Variants in RESF1 observed in about 807,000 individuals in gnomAD.
RESF1 encodes the protein retroelement silencing factor 1.
Under a neutral mutation model 134.7 loss-of-function variants are expected in RESF1, and 65 were observed. That is an observed-to-expected ratio of 0.48 (90% CI 0.40 to 0.59). RESF1 has a LOEUF of 0.59. Among genes scored for constraint, RESF1 ranks in the 20% least tolerant of loss-of-function variants. The pLI, the probability that RESF1 is intolerant of heterozygous loss-of-function variation, is 0.00. For synonymous variants in RESF1, 762 were observed against 702.2 expected (o/e 1.09, Z -1.35); for missense variants, 2,274 against 2,002.7 (o/e 1.14, Z -2.59).
At chr12:31,989,288 C>T (rs11051720) in intron 5 of RESF1, among the ~76,000 whole-genome samples, 34,605 of 148,436 alleles carry the variant, frequency 0.23, 4,058 homozygotes, top group Non-Finnish European at 0.26. Context: ...CCCAGCTACT[C>T]GGGAGGCTGA....
rs764119385 is a variant in RESF1, at chr12:31,984,189, G to C, written c.3234G>C (p.Gln1078His). The change falls in exon 4 of 6, where the codon CAG becomes CAC. Residue 1078 changes from glutamine (Q) to histidine (H), a missense_variant. Transcript: ENST00000312561. ...AVNTREGSVG[Q>H]QTTYQTSEDQ... is the part of the protein sequence containing the mutation. ...ATACACGTGAAGGTTCTGTGGGCCA[G>C]CAAACTACATACCAGACCTCAGAAG... The C allele has an allele frequency of 1.2e-6, 2 of 1,613,308 alleles. No homozygotes were observed. The highest frequency in any genetic ancestry group is 1.7e-5 in the Admixed American group (1 of 59,778).
At chr12:31,977,726 A>C (rs1184522531) in intron 3 of RESF1, among the ~76,000 whole-genome samples, 1 of 151,874 alleles carries the variant, frequency 6.6e-6, no homozygotes, top group Non-Finnish European at 1.5e-5. Context: ...GAAAGTTTAT[A>C]ATCAAGCTTG....
chr12:31,990,609 T>G (rs553996349), intron 5 of RESF1, among the ~76,000 whole-genome samples: 1 of 152,128 alleles, frequency 6.6e-6, no homozygotes, highest in East Asian at 1.9e-4. Flanking sequence ...CCTGGCTGAT[T>G]GTTGTATTTT....
Position 31,992,641 on chromosome 12 carries a change from G to C in RESF1, c.*106G>C. On this transcript the variant is annotated 3_prime_UTR_variant, in exon 6 of 6. Transcript: ENST00000312561. ...AATGCCATGATAAAGATTTCTCAGA[G>C]TTTGGTTCCCACTTTCATTGTATTT... 8.4e-7 allele frequency: 1 copy of C among 1,187,994 alleles called. No individual in the cohort carries two copies. The highest frequency in any genetic ancestry group is 1.2e-6 in the Non-Finnish European group (1 of 816,834). 73.6% of individuals were successfully genotyped at this position (1,187,994 alleles called of 1,614,324 possible).
chr12:31,982,082 G>A lies in RESF1; in HGVS notation c.1127G>A (p.Cys376Tyr), dbSNP rs199880581. Residue 376 changes from cysteine (C) to tyrosine (Y), a missense_variant, in exon 4 of 6, where the codon TGC becomes TAC. Coordinates refer to ENST00000312561, the MANE Select transcript of RESF1 (RefSeq NM_018169.4). ...QTNEEKIMDS[C>Y]NPTSNQVLDT... ...AATGAAGAGAAAATAATGGATTCTTGCAATCCAACTTCAAATCAAGTACTG... is the reference window on the plus strand; with the variant it reads ...AATGAAGAGAAAATAATGGATTCTTACAATCCAACTTCAAATCAAGTACTG... The A allele has an allele frequency of 3.0e-5, 48 of 1,614,120 alleles. 1 individual carries two copies. In the East Asian group the frequency reaches 1.0e-3, roughly 34 times the overall value.
intron 2 of RESF1, among the ~76,000 whole-genome samples, chr12:31,966,497 A>G (rs2120768781): frequency 6.6e-6 from 1 of 152,376 alleles, no homozygotes. Context: ...TCTAGCCTGA[A>G]TGATGATAGT....
chr12:31,965,887 C>T (rs923046590), intron 2 of RESF1, among the ~76,000 whole-genome samples: 1 of 82,064 alleles, frequency 1.2e-5, no homozygotes. Flanking sequence ...GAGACTTCGT[C>T]TCAAAAAAAA....
intron 2 of RESF1, among the ~76,000 whole-genome samples, chr12:31,967,532 CA>C (rs1939423156): frequency 6.6e-6 from 1 of 151,950 alleles, no homozygotes; most frequent in Non-Finnish European, 1.5e-5. Context: ...ACACAACATC[CA>C]AAAAACTTAG....
chr12:31,960,200 A>G (rs1592246724), intron 1 of RESF1, among the ~76,000 whole-genome samples: 1 of 152,144 alleles, frequency 6.6e-6, no homozygotes, highest in African/African-American at 2.4e-5. Context: ...AAACGTCCTT[A>G]GGGTCCTGAG....
In RESF1 at chr12:31,985,537, A is replaced by G. The variant is rs761026030; in HGVS notation, c.4582A>G (p.Lys1528Glu). ...NLKIHHSQES[K>E]TYNILRNVKE... ...CAAAATCCACCATTCTCAGGAGTCT[A>G]AAACATACAACATTCTAAGGAATGT... The change falls in exon 4 of 6, where the codon AAA (lysine) becomes GAA (glutamate). Residue 1528 changes from lysine (K) to glutamate (E), a missense_variant. By Grantham distance (56) the Lys-to-Glu change is moderately conservative. Coordinates refer to ENST00000312561, the MANE Select transcript of RESF1 (RefSeq NM_018169.4). 1 of 1,599,366 alleles carries G rather than the reference A, an allele frequency of 6.3e-7. No individual in the cohort carries two copies. Among genetic ancestry groups the G allele is most frequent in the South Asian group, 1.1e-5 (1 of 88,044 alleles).
chr12:31,978,726 T>G (rs1939695745), intron 3 of RESF1, among the ~76,000 whole-genome samples: 1 of 130,536 alleles, frequency 7.7e-6, no homozygotes, highest in Non-Finnish European at 1.6e-5. Context: ...TTTTTTTTTT[T>G]TTTTTTTGTA....
At position 31,982,288 on chromosome 12, in the gene RESF1, C is replaced by T; in HGVS notation, c.1333C>T (p.Leu445=). ...SEPAQNSKLS[L]KQTAKIQSGP... ...ACCAGCTCAGAATTCTAAATTGTCT[C>T]TAAAACAAACTGCCAAAATCCAGTC... Residue 445 remains leucine (L), a synonymous_variant, in exon 4 of 6, where the codon CTA becomes TTA. Coordinates refer to ENST00000312561, the MANE Select transcript of RESF1 (RefSeq NM_018169.4). 4 of 1,614,088 alleles carry T rather than the reference C, an allele frequency of 2.5e-6. No individual in the cohort carries two copies. Among genetic ancestry groups the T allele is most frequent in the Non-Finnish European group, 3.4e-6 (4 of 1,180,018 alleles).
chr12:31,981,484 C>T lies in RESF1; in HGVS notation c.529C>T (p.Pro177Ser), dbSNP rs1592260076. 6.2e-7 allele frequency: 1 copy of T among 1,613,996 alleles called. No individual in the cohort carries two copies. The highest frequency in any genetic ancestry group is 1.7e-5 in the Admixed American group (1 of 59,998). The change falls in exon 4 of 6, where the codon CCT becomes TCT. Residue 177 changes from proline (P) to serine (S), a missense_variant. By Grantham distance (74) the Pro-to-Ser change is moderately conservative (BLOSUM62 -1). Transcript: ENST00000312561. ...QMIPSNSTRL[P>S]VAYQGNQGLN... ...GATCCCTTCTAATTCTACACGACTT[C>T]CTGTAGCTTACCAAGGAAATCAGGG...
At chr12:31,976,960 TTTC>T (rs1353446817) in intron 3 of RESF1, among the ~76,000 whole-genome samples, 1 of 152,186 alleles carries the variant, frequency 6.6e-6, no homozygotes, top group East Asian at 1.9e-4. Context: ...TGTCTACATT[TTTC>T]TTTTTACGTA....
intron 5 of RESF1, among the ~76,000 whole-genome samples, 173 bp from the exon 6 acceptor site, chr12:31,992,205 G>A (rs1173466797): frequency 2.0e-5 from 3 of 150,598 alleles, no homozygotes; most frequent in Admixed American, 6.6e-5. Flanking sequence ...AAGATGTCAC[G>A]TGTATATAAC....
chr12:31,987,652 T>A (rs777711590), intron 5 of RESF1, among the ~76,000 whole-genome samples: 1 of 152,210 alleles, frequency 6.6e-6, no homozygotes, highest in Non-Finnish European at 1.5e-5. Flanking sequence ...ACTACTCAGC[T>A]CTGACTCTGT....
At chr12:31,974,466 T>G (rs1939586251) in intron 3 of RESF1, among the ~76,000 whole-genome samples, 1 of 152,092 alleles carries the variant, frequency 6.6e-6, no homozygotes, top group African/African-American at 2.4e-5. Flanking sequence ...ATTTCTGTTC[T>G]CTTGAAGCTT....
rs1480558175 is a variant in RESF1 at position 31,983,706 on chromosome 12, C to T, written c.2751C>T (p.Pro917=). The T allele has an allele frequency of 6.2e-7, 1 of 1,613,838 alleles. No individual in the cohort carries two copies. The highest frequency in any genetic ancestry group is 1.7e-5 in the Admixed American group (1 of 60,012). The stretch of plus-strand genomic sequence containing the variant: ...TAGCAAAGATATTCAGCTCTCTTCC[C>T]TTGAAAATGGTTGAGCCACAGAAAC... The part of the protein sequence containing the change: ...SQIAKIFSSL[P]LKMVEPQKPS... Residue 917 remains proline, a synonymous_variant, in exon 4 of 6, where the codon CCC becomes CCT. Coordinates refer to ENST00000312561, the MANE Select transcript of RESF1 (RefSeq NM_018169.4).
rs1384659442 is a variant in RESF1, at chr12:31,983,422, G to C, written c.2467G>C (p.Ala823Pro). The C allele has an allele frequency of 3.1e-6, 5 of 1,613,888 alleles. No individual in the cohort carries two copies. Among genetic ancestry groups the C allele is most frequent in the Non-Finnish European group, 4.2e-6 (5 of 1,180,014 alleles). Residue 823 changes from alanine to proline, a missense_variant, in exon 4 of 6, where the codon GCA becomes CCA. Physicochemically the swap from Ala to Pro is conservative, Grantham distance 27. Transcript: ENST00000312561. ...GAAAGTTGATGTTAGTGGACCAGTAGCAAGTACAGCAACATCAACCAAGAT... is the reference window on the plus strand; with the variant it reads ...GAAAGTTGATGTTAGTGGACCAGTACCAAGTACAGCAACATCAACCAAGAT... ...ALKVDVSGPV[A>P]STATSTKIFP...
Sources: gnomAD v4.1 joint callset for allele counts (sites outside exome capture counted in the v4.1 genomes callset) on GRCh38, gnomAD v4.1.1 for gene constraint, MANE v1.5 for transcripts, NCBI Gene and HGNC (gene_info 2026-07-23, HGNC 2026-07-21) for gene names.